The following LRIG1 variants were observed in gnomAD, a reference collection of about 807,000 sequenced individuals.
LRIG1 encodes the protein leucine-rich repeats and immunoglobulin-like domains protein 1.
In LRIG1, 48 loss-of-function variants were observed where a neutral mutation model predicts 99.2. The ratio of observed to expected loss-of-function variants is 0.48; its 90% CI spans 0.38 to 0.62. The LOEUF is 0.62. LRIG1 is among the 20% of genes least tolerant of loss of function. The pLI, the probability that LRIG1 is intolerant of heterozygous loss-of-function variation, is 0.00. For missense variants in LRIG1, 1,646 were observed against 1,434.4 expected, an observed-to-expected ratio of 1.15 and a Z score of -2.38; for synonymous variants, 772 against 596.1, an observed-to-expected ratio of 1.29 and a Z score of -4.30.
chr3:66,399,296 G>A (rs1187477946), intron 9 of LRIG1, among the ~76,000 whole-genome samples: 2 of 152,170 alleles, frequency 1.3e-5, no homozygotes, highest in Non-Finnish European at 2.9e-5. Context: ...AATTGCATGT[G>A]CCGTCTGGCC....
intron 12 of LRIG1, among the ~76,000 whole-genome samples, chr3:66,392,550 T>C (rs1701662823): frequency 6.7e-6 from 1 of 150,248 alleles, no homozygotes; most frequent in African/African-American, 2.4e-5. Context: ...CCTGAAACCT[T>C]GATCTTCTGC....
intron 3 of LRIG1, among the ~76,000 whole-genome samples, chr3:66,430,524 G>T (rs754659236): frequency 6.6e-6 from 1 of 152,066 alleles, no homozygotes; most frequent in Admixed American, 6.5e-5. Flanking sequence ...CCATCCACAC[G>T]CCTCCCCTGG....
chr3:66,407,442 C>G lies in LRIG1; in HGVS notation c.985G>C (p.Glu329Gln). 3 of 1,613,958 alleles carry G rather than the reference C, an allele frequency of 1.9e-6. No individual in the cohort carries two copies. Among genetic ancestry groups the G allele is most frequent in the Non-Finnish European group, 2.5e-6 (3 of 1,179,994 alleles). Residue 329 changes from glutamate to glutamine, a missense_variant, in exon 8 of 19, where the codon GAG (glutamate) becomes CAG (glutamine). Glu to Gln is a conservative substitution (Grantham distance 29, BLOSUM62 2). Coordinates refer to ENST00000273261, the MANE Select transcript of LRIG1 (RefSeq NM_015541.3). ...LTRLDEESLA[E>Q]LSSLSVLRLS... ...CGCAGGACACTCAGGCTGCTCAGCT[C>G]GGCCAGGCTCTCCTCGTCCAGCCGT...
intron 9 of LRIG1, chr3:66,404,253 A>G: frequency 7.8e-7 from 1 of 1,289,284 alleles, no homozygotes; most frequent in Non-Finnish European, 1.0e-6. Flanking sequence ...CTCCTCTATC[A>G]TCGAGCTCCA....
chr3:66,403,060 T>C (rs1702122643), intron 9 of LRIG1, among the ~76,000 whole-genome samples: 1 of 152,136 alleles, frequency 6.6e-6, no homozygotes, highest in South Asian at 2.1e-4. Context: ...ATGTGGAAAT[T>C]TGCACATACC....
At chr3:66,453,791 C>T (rs544879645) in intron 2 of LRIG1, among the ~76,000 whole-genome samples, 1 of 152,156 alleles carries the variant, frequency 6.6e-6, no homozygotes, top group East Asian at 1.9e-4. Context: ...TGTTTTTCAG[C>T]CAGCTTAGGA....
intron 3 of LRIG1, among the ~76,000 whole-genome samples, chr3:66,442,440 TGAG>T (rs1261851421): frequency 6.7e-6 from 1 of 150,194 alleles, no homozygotes; most frequent in Non-Finnish European, 1.5e-5. Context: ...CTGCAGGAAG[TGAG>T]GAGGGGGAGG....
At chr3:66,433,896 G>A (rs1220724089) in intron 3 of LRIG1, among the ~76,000 whole-genome samples, 1 of 152,170 alleles carries the variant, frequency 6.6e-6, no homozygotes, top group Non-Finnish European at 1.5e-5. Flanking sequence ...TGTTTCTTTT[G>A]TGGAACCACA....
At chr3:66,489,785 A>G (rs956460272) in intron 1 of LRIG1, among the ~76,000 whole-genome samples, 9 of 152,160 alleles carry the variant, frequency 5.9e-5, no homozygotes, top group Non-Finnish European at 1.3e-4. Context: ...CGAAACCCCA[A>G]CGTCTCCTGA....
intron 3 of LRIG1, among the ~76,000 whole-genome samples, chr3:66,423,311 C>A (rs1342970393): frequency 1.3e-5 from 2 of 152,300 alleles, no homozygotes; most frequent in African/African-American, 4.8e-5. Flanking sequence ...TGGCTCACGC[C>A]TGTAATCCCA....
intron 3 of LRIG1, among the ~76,000 whole-genome samples, chr3:66,445,093 C>T (rs1703671609): frequency 1.3e-5 from 2 of 151,946 alleles, no homozygotes; most frequent in Admixed American, 1.3e-4. Flanking sequence ...TTGAACTCAG[C>T]CTGGGCCTTT....
At chr3:66,442,899 CACTTT>C (rs1324243083) in intron 3 of LRIG1, among the ~76,000 whole-genome samples, 2 of 152,172 alleles carry the variant, frequency 1.3e-5, no homozygotes, top group African/African-American at 4.8e-5. Context: ...GTGTTCCCTT[CACTTT>C]CTCAGCAAAT....
At chr3:66,471,690 C>T (rs569352988) in intron 1 of LRIG1, among the ~76,000 whole-genome samples, 9 of 152,296 alleles carry the variant, frequency 5.9e-5, no homozygotes, top group Non-Finnish European at 1.0e-4. Flanking sequence ...CGGCAGAAAA[C>T]GGAGACTTTT....
At chr3:66,408,913 AGTGTGTGT>A (rs55651719) in intron 7 of LRIG1, among the ~76,000 whole-genome samples, 773 of 34,926 alleles carry the variant, frequency 0.022, 8 homozygotes, top group Middle Eastern at 0.083. Context: ...ACTCCAAGTC[AGTGTGTGT>A]GTGTGTGTGT....
chr3:66,421,480 G>A (rs146086744), intron 3 of LRIG1, among the ~76,000 whole-genome samples: 8 of 152,168 alleles, frequency 5.3e-5, no homozygotes, highest in African/African-American at 9.6e-5. Context: ...AAAATCCAGC[G>A]GGGCAGTCAT....
chr3:66,417,461 C>G lies in LRIG1; in HGVS notation c.366-195G>C, dbSNP rs926114319. The G allele has an allele frequency of 2.4e-5, 15 of 612,956 alleles. No individual in the cohort carries two copies. In the African/African-American group the frequency reaches 2.6e-4, roughly 11 times the overall value. 38.0% of individuals were successfully genotyped at this position (612,956 alleles called of 1,614,324 possible). On this transcript the variant is annotated intron_variant, in intron 3 of 18. Transcript: ENST00000273261. ...GCTAGGAGAATATTGGATTTTCAATCTGGGACAAGTTTATCAAAGTTCTAT... is the reference window on the plus strand; with the variant it reads ...GCTAGGAGAATATTGGATTTTCAATGTGGGACAAGTTTATCAAAGTTCTAT...
intron 9 of LRIG1, chr3:66,404,256 G>A (rs984628617): frequency 3.3e-5 from 43 of 1,289,134 alleles, no homozygotes; most frequent in Admixed American, 6.9e-5. Context: ...CTCTATCATC[G>A]AGCTCCACTA....
chr3:66,423,088 A>G (rs73083532), intron 3 of LRIG1, among the ~76,000 whole-genome samples: 73,440 of 152,096 alleles, frequency 0.48, 20,935 homozygotes, highest in Non-Finnish European at 0.66. Context: ...ACAATTCAAG[A>G]TGAGATCTGG....
At chr3:66,451,977 G>A (rs567015912) in intron 2 of LRIG1, among the ~76,000 whole-genome samples, 126 of 152,284 alleles carry the variant, frequency 8.3e-4, no homozygotes, top group Middle Eastern at 6.8e-3. Flanking sequence ...GACCATCGGT[G>A]AGAACACTCC....
Sources: gnomAD v4.1 joint callset for allele counts (sites outside exome capture counted in the v4.1 genomes callset) on GRCh38, gnomAD v4.1.1 for gene constraint, MANE v1.5 for transcripts, NCBI Gene and HGNC (gene_info 2026-07-23, HGNC 2026-07-21) for gene names.